FDPS: variants seen among roughly 807,000 people sequenced by gnomAD.
FDPS encodes the protein farnesyl diphosphate synthase.
FDPS carries 29 observed loss-of-function variants against 49.5 expected under a neutral mutation model. The observed-to-expected ratio is 0.59, with a 90% CI of 0.44 to 0.80. The LOEUF is 0.80. Among genes scored for constraint, FDPS ranks in the 30% least tolerant of loss-of-function variants. The pLI is 0.00. For synonymous variants in FDPS, 172 were observed against 206.4 expected (o/e 0.83, Z 1.43); for missense variants, 414 against 525.6 (o/e 0.79, Z 2.08).
In FDPS at chr1:155,318,521, C is replaced by A; in HGVS notation, c.685-144C>A. 1.2e-6 allele frequency: 1 copy of A among 820,772 alleles called. No individual in the cohort carries two copies. Among genetic ancestry groups the A allele is most frequent in the Non-Finnish European group, 2.0e-6 (1 of 495,524 alleles). 50.8% of individuals were successfully genotyped at this position (820,772 alleles called of 1,614,324 possible). ...AAAGGACTGTGTGTATGAATATGGG[C>A]CTTAAGTTTTGGGGCTTTCTCCCCT... On this transcript the variant is annotated intron_variant, in intron 6 of 10. Transcript: ENST00000368356. The surrounding 1 kb of genome is among the most constrained non-coding windows in gnomAD (Gnocchi z 4.2).
chr1:155,312,979 CA>C (rs755919439), intron 4 of FDPS: 410 of 40,586 alleles, frequency 0.01, 1 homozygote, highest in South Asian at 0.042. Flanking sequence ...AACTCCATCT[CA>C]AAAAAAAAAA....
At chr1:155,315,967 G>T (rs1373531410) in intron 4 of FDPS, among the ~76,000 whole-genome samples, 13 of 151,950 alleles carry the variant, frequency 8.6e-5, no homozygotes, top group Non-Finnish European at 2.9e-5. Flanking sequence ...TAAAACCTGG[G>T]TATAGGGCCG....
intron 4 of FDPS, among the ~76,000 whole-genome samples, chr1:155,315,885 C>G (rs982377420): frequency 2.6e-4 from 39 of 148,666 alleles, no homozygotes; most frequent in African/African-American, 8.9e-4. Flanking sequence ...AAAAAACACA[C>G]AAACCATGTC....
chr1:155,315,880 A>C (rs968840564), intron 4 of FDPS, among the ~76,000 whole-genome samples: 122 of 149,500 alleles, frequency 8.2e-4, no homozygotes, highest in South Asian at 1.3e-3. Flanking sequence ...AAAAAAAAAA[A>C]CACACAAACC....
chr1:155,317,707 T>C (rs1351403117), intron 4 of FDPS: 7 of 406,708 alleles, frequency 1.7e-5, no homozygotes, highest in Admixed American at 1.2e-4. Flanking sequence ...TAGCCAGGCA[T>C]GGGGTATGTG....
chr1:155,317,717 G>T (rs1649630676), intron 4 of FDPS: 1 of 493,600 alleles, frequency 2.0e-6, no homozygotes, highest in Non-Finnish European at 3.6e-6. Flanking sequence ...TGGGGTATGT[G>T]CCTATGGTCT....
At chr1:155,309,701 G>A (rs1246084310) in intron 1 of FDPS, 88 bp from the exon 2 acceptor site, 2 of 1,224,562 alleles carry the variant, frequency 1.6e-6, no homozygotes, top group African/African-American at 1.5e-5. Context: ...TGGGGTGGGA[G>A]TTATCTGGGG....
At chr1:155,317,207 G>A (rs1213086974) in intron 4 of FDPS, 1 of 152,208 alleles carries the variant, frequency 6.6e-6, no homozygotes, top group Admixed American at 6.5e-5. Context: ...ACAGTGCTGG[G>A]GGCAATGTGG....
In FDPS at chr1:155,319,623, G is replaced by A. The variant is rs745982293; in HGVS notation, c.859G>A (p.Gly287Ser). 1 of 1,614,192 alleles carries A rather than the reference G, an allele frequency of 6.2e-7. No individual in the cohort carries two copies. Among genetic ancestry groups the A allele is most frequent in the Admixed American group, 1.7e-5 (1 of 60,030 alleles). ...CCTTTCCCTGCAGGCAGGAATTGAT[G>A]GCGAGAAGGAGCACGCCAATGCCAA... ...AAAMYMAGID[G>S]EKEHANAKKI... The change falls in exon 9 of 11, where the codon GGC becomes AGC. Residue 287 changes from glycine (G) to serine (S), a missense_variant. Gly to Ser is a moderately conservative substitution (Grantham distance 56). Transcript: ENST00000368356.
rs370400053 is a variant in FDPS at position 155,320,061 on chromosome 1, ACT to A, written c.1059+136_1059+137del. The A allele has an allele frequency of 4.3e-4, 454 of 1,058,638 alleles. 1 individual carries two copies. In the African/African-American group the frequency reaches 6.7e-3, roughly 16 times the overall value. The allele number at this position is 1,058,638 out of a possible 1,614,324, so 65.6% of individuals were successfully genotyped here. The stretch of plus-strand genomic sequence containing the variant: ...GACATTTTTTGCCATTGTCATTACA[ACT>A]CTGTGTGTGTGCATGTGGTACAGAC... On this transcript the variant is annotated intron_variant, in intron 10 of 10. Coordinates refer to ENST00000368356, the MANE Select transcript of FDPS (RefSeq NM_002004.4).
chr1:155,318,969 G>A lies in FDPS; in HGVS notation c.846+41G>A, dbSNP rs370547653. On this transcript the variant is annotated intron_variant, in intron 8 of 10. Transcript: ENST00000368356. This position sits in a 1 kb window ranked among gnomAD's most constrained non-coding sequence, Gnocchi z 4.2. ...CACCCCTCTCTGCTCTGCTGATGGGGGCTTTTGGACAGCAAGGCATAGAGC... is the reference window on the plus strand; with the variant it reads ...CACCCCTCTCTGCTCTGCTGATGGGAGCTTTTGGACAGCAAGGCATAGAGC... 1.0e-5 allele frequency: 15 copies of A among 1,489,508 alleles called. No homozygotes were observed. The African/African-American group carries it at 1.4e-4, about 14-fold the overall frequency. The allele number at this position is 1,489,508 out of a possible 1,614,324, so 92.3% of individuals were successfully genotyped here.
Position 155,318,173 on chromosome 1 carries a change from G to C in FDPS, c.566G>C (p.Gly189Ala). The change falls in exon 6 of 11, where the codon GGC (glycine) becomes GCC (alanine). Residue 189 changes from glycine to alanine, a missense_variant. Gly to Ala is a moderately conservative substitution (Grantham distance 60). Coordinates refer to ENST00000368356, the MANE Select transcript of FDPS (RefSeq NM_002004.4). The surrounding 1 kb of genome is among the most constrained non-coding windows in gnomAD (Gnocchi z 4.2). The part of the protein sequence containing the change: ...RGQICWYQKP[G>A]VGLDAINDAN... ...TTTTTCTGTCTGTCATGACAGCCGG[G>C]CGTGGGTTTGGATGCCATCAATGAT... 1 of 1,614,098 alleles carries C rather than the reference G, an allele frequency of 6.2e-7. No individual in the cohort carries two copies. The highest frequency in any genetic ancestry group is 1.1e-5 in the South Asian group (1 of 91,074).
intron 10 of FDPS, 29 bp from the exon 11 acceptor site, chr1:155,320,380 C>T: frequency 1.3e-6 from 2 of 1,596,750 alleles, no homozygotes; most frequent in Non-Finnish European, 1.7e-6. Context: ...AAGGCCAAGC[C>T]CGTTTTCCTG....
intron 1 of FDPS, 106 bp from the exon 2 acceptor site, chr1:155,309,683 G>C: frequency 1.9e-6 from 2 of 1,043,852 alleles, no homozygotes; most frequent in Non-Finnish European, 2.7e-6. Flanking sequence ...GGCACTCTGG[G>C]CTAAGGCTGG....
At chr1:155,312,498 GTTTC>G (rs1648903287) in intron 4 of FDPS, 103 bp downstream of exon 4, 1 of 1,349,532 alleles carries the variant, frequency 7.4e-7, no homozygotes, top group Non-Finnish European at 1.0e-6. Flanking sequence ...TTGTGTTTGT[GTTTC>G]TTTGTCTCTA....
At chr1:155,313,445 A>G (rs1382456182) in intron 4 of FDPS, among the ~76,000 whole-genome samples, 2 of 152,316 alleles carry the variant, frequency 1.3e-5, no homozygotes, top group Non-Finnish European at 2.9e-5. Flanking sequence ...GTGAGTGACG[A>G]TGATGCTGAG....
At chr1:155,312,455 A>G in intron 4 of FDPS, 60 bp downstream of exon 4, 25 of 819,722 alleles carry the variant, frequency 3.0e-5, no homozygotes, top group Non-Finnish European at 4.1e-5. Context: ...TTGGGTGGGA[A>G]GGGGAGGGAT....
chr1:155,316,215 A>G (rs1649387044), intron 4 of FDPS, among the ~76,000 whole-genome samples: 1 of 152,048 alleles, frequency 6.6e-6, no homozygotes, highest in Non-Finnish European at 1.5e-5. Context: ...AGATTGCGCC[A>G]TTGCACTCCA....
At chr1:155,310,533 A>G (rs886192416) in intron 3 of FDPS, 3 of 240,336 alleles carry the variant, frequency 1.2e-5, no homozygotes, top group African/African-American at 2.3e-5. Context: ...CTGGTCTCGA[A>G]CTCCTGACCT....
Sources: allele counts gnomAD v4.1 joint callset (sites outside exome capture counted in the v4.1 genomes callset), GRCh38; gene constraint gnomAD v4.1.1; non-coding constraint Gnocchi (gnomAD v3.1); transcripts MANE v1.5; gene names NCBI Gene and HGNC (gene_info 2026-07-23, HGNC 2026-07-21).